Variants in CHST7 observed in about 807,000 individuals in gnomAD.
CHST7 encodes N-acetylglucosamine 6-O-sulfotransferase 4.
Under a neutral mutation model 9.0 loss-of-function variants are expected in CHST7, and 5 were observed. That is an observed-to-expected ratio of 0.56 (90% confidence interval 0.29 to 1.17). The LOEUF (loss-of-function observed/expected upper bound fraction) is 1.17. CHST7 is among the 50% of genes most tolerant of loss of function. CHST7 has a pLI of 0.08. For synonymous variants in CHST7, 244 were observed against 237.1 expected (o/e 1.03, Z -0.27); for missense variants, 377 against 485.1 (o/e 0.78, Z 2.09).
In CHST7 at chrX:46,574,017, C is replaced by T. The variant is rs1263372033; in HGVS notation, c.86C>T (p.Pro29Leu). The T allele has an allele frequency of 4.3e-6, 5 of 1,161,438 alleles. No individual in the cohort carries two copies. The South Asian group carries it at 7.6e-5, about 18-fold the overall frequency. The change falls in exon 1 of 2, where the codon CCC (proline) becomes CTC (leucine). Residue 29 changes from proline (P) to leucine (L), a missense_variant. Around this residue, in one of 3 missense-constraint regions of CHST7, gnomAD observed 239 missense variants for 325.7 expected, o/e 0.73. Coordinates refer to ENST00000276055, the MANE Select transcript of CHST7 (RefSeq NM_019886.4). ...TACACGCTGGTGCTGTTGCTCGTCC[C>T]CTCCGTATTGGACGGCGGCCGCGAC... ...VLYTLVLLLVPSVLDGGRDGD... is the reference protein window; with the variant it reads ...VLYTLVLLLVLSVLDGGRDGD...
At chrX:46,592,668 A>C (rs1037551281) in intron 1 of CHST7, among the ~76,000 whole-genome samples, 1 of 111,433 alleles carries the variant, frequency 9.0e-6, no homozygotes, top group Non-Finnish European at 1.9e-5. Flanking sequence ...TGGCTGATAG[A>C]GGTTTTTTGA....
chrX:46,576,129 C>G (rs1386103091), intron 1 of CHST7, among the ~76,000 whole-genome samples: 1 of 109,118 alleles, frequency 9.2e-6, no homozygotes, highest in Non-Finnish European at 1.9e-5. Context: ...GTGCGCCTCT[C>G]TGTCTCCCCT....
intron 1 of CHST7, among the ~76,000 whole-genome samples, chrX:46,593,930 C>T (rs930375751): frequency 1.8e-5 from 2 of 112,024 alleles, no homozygotes; most frequent in African/African-American, 3.2e-5. Flanking sequence ...TAAATAGTCT[C>T]TTAAAAATTT....
Sources: allele counts gnomAD v4.1 joint callset (sites outside exome capture counted in the v4.1 genomes callset), GRCh38; gene constraint gnomAD v4.1.1; regional missense constraint gnomAD v4.1.1; transcripts MANE v1.5; gene names NCBI Gene and HGNC (gene_info 2026-07-23, HGNC 2026-07-21).